AOPEP: variants seen among roughly 807,000 people sequenced by gnomAD.
AOPEP encodes the protein aminopeptidase O.
A neutral mutation model predicts 98.1 loss-of-function variants in AOPEP; 77 were observed. That is an observed-to-expected ratio of 0.78 (90% CI 0.65 to 0.95). AOPEP has a LOEUF of 0.95. Ranked by LOEUF, AOPEP falls within the 40% of genes least tolerant of loss-of-function variation. The pLI is 0.00. For missense variants in AOPEP, 1,024 were observed against 1,024.7 expected, an observed-to-expected ratio of 1.00 and a Z score of 0.01; for synonymous variants, 346 against 365.3, an observed-to-expected ratio of 0.95 and a Z score of 0.60.
chr9:95,058,496 T>C (rs567149138), intron 13 of AOPEP, among the ~76,000 whole-genome samples: 5 of 152,322 alleles, frequency 3.3e-5, no homozygotes, highest in African/African-American at 1.2e-4. Context: ...CGAGAATCAC[T>C]TCTCTGTGAG....
At chr9:95,041,121 C>T (rs573772952) in intron 13 of AOPEP, among the ~76,000 whole-genome samples, 2 of 151,520 alleles carry the variant, frequency 1.3e-5, no homozygotes, top group East Asian at 1.9e-4. Context: ...CAGGCTCTCA[C>T]GTTTTACCAG....
At chr9:94,944,480 C>A (rs1301116270) in intron 7 of AOPEP, among the ~76,000 whole-genome samples, 5 of 152,204 alleles carry the variant, frequency 3.3e-5, no homozygotes, top group Non-Finnish European at 7.3e-5. Context: ...AAAAGCTGGA[C>A]ACAAAAGGCC....
chr9:95,101,798 G>T, the AOPEP span: 1 of 1,614,106 alleles, frequency 6.2e-7, no homozygotes, highest in Non-Finnish European at 8.5e-7. Context: ...TCTGTACAAG[G>T]TCTGGTCAAG....
chr9:95,085,768 T>C (rs1162497433), intron 16 of AOPEP, among the ~76,000 whole-genome samples: 1 of 152,216 alleles, frequency 6.6e-6, no homozygotes, highest in African/African-American at 2.4e-5. Context: ...GTCAAATGTA[T>C]TGAAAGTTGC....
chr9:95,115,602 T>C, the AOPEP span, among the ~76,000 whole-genome samples: 1 of 152,222 alleles, frequency 6.6e-6, no homozygotes, highest in Non-Finnish European at 1.5e-5. Context: ...TAAATACAGC[T>C]GAGCAGCACG....
chr9:94,772,709 A>G (rs1330198773), intron 2 of AOPEP, among the ~76,000 whole-genome samples: 5 of 152,240 alleles, frequency 3.3e-5, no homozygotes, highest in Admixed American at 6.5e-5. Context: ...GGGCAAGGGT[A>G]ATATAACTTG....
chr9:94,800,439 A>G (rs1043047362), intron 4 of AOPEP, among the ~76,000 whole-genome samples: 2 of 152,168 alleles, frequency 1.3e-5, no homozygotes, highest in African/African-American at 2.4e-5. Context: ...AATTGTTTGT[A>G]TTTTGGTGAG....
At chr9:95,139,977 G>A in the AOPEP span, among the ~76,000 whole-genome samples, 1 of 151,456 alleles carries the variant, frequency 6.6e-6, no homozygotes, top group Non-Finnish European at 1.5e-5. Context: ...AAACGCTAAG[G>A]TTGTCCTTTT....
At chr9:94,812,354 G>A (rs1269375143) in intron 5 of AOPEP, among the ~76,000 whole-genome samples, 1 of 152,084 alleles carries the variant, frequency 6.6e-6, no homozygotes, top group Non-Finnish European at 1.5e-5. Flanking sequence ...TAGAATCTAA[G>A]AGGAAGACCA....
Position 94,924,006 on chromosome 9 carries a change from C to T in AOPEP, c.1385C>T (p.Ser462Phe). 1 of 1,475,116 alleles carries T rather than the reference C, an allele frequency of 6.8e-7. No individual in the cohort carries two copies. The highest frequency in any genetic ancestry group is 9.0e-7 in the Non-Finnish European group (1 of 1,108,104). The allele number at this position is 1,475,116 out of a possible 1,614,324, so 91.4% of individuals were successfully genotyped here. A position where few individuals can be genotyped will look rare whatever the true frequency, so the allele number is the denominator to read the frequency against. Residue 462 changes from serine (S) to phenylalanine (F), a missense_variant, in exon 6 of 17, where the codon TCT becomes TTT. Physicochemically the swap from Ser to Phe is radical, Grantham distance 155. Coordinates refer to ENST00000375315, the MANE Select transcript of AOPEP (RefSeq NM_001193329.3). ...CACAGCCCACACATCATGTTCCTCT[C>T]TCAGAGCATCTTGACAGGAGGGAAC... ...GMASPHIMFL[S>F]QSILTGGNHL...
chr9:94,993,249 C>T (rs2061004455), intron 11 of AOPEP, among the ~76,000 whole-genome samples: 1 of 152,236 alleles, frequency 6.6e-6, no homozygotes, highest in Non-Finnish European at 1.5e-5. Flanking sequence ...TTCTAAGATA[C>T]ATTTTGAGAC....
At chr9:95,140,439 T>C in the AOPEP span, among the ~76,000 whole-genome samples, 2 of 152,204 alleles carry the variant, frequency 1.3e-5, no homozygotes, top group African/African-American at 4.8e-5. Context: ...AACTGCTTAC[T>C]AAATAATTTT....
chr9:95,082,098 G>C (rs1416728640), intron 15 of AOPEP, among the ~76,000 whole-genome samples: 1 of 152,068 alleles, frequency 6.6e-6, no homozygotes, highest in Non-Finnish European at 1.5e-5. Flanking sequence ...TGTCTCTGCC[G>C]CGGCTGCTGC....
chr9:95,111,204 C>T, the AOPEP span: 1 of 1,536,252 alleles, frequency 6.5e-7, no homozygotes, highest in African/African-American at 1.4e-5. Context: ...GATCAAATGA[C>T]CTTGGGGAAG....
At chr9:94,906,875 A>G (rs1050115172) in intron 5 of AOPEP, among the ~76,000 whole-genome samples, 3 of 152,122 alleles carry the variant, frequency 2.0e-5, no homozygotes, top group African/African-American at 7.2e-5. Flanking sequence ...TGTTTGCCCA[A>G]CCCAGTCTTG....
At chr9:94,757,604 A>G (rs1210901533) in intron 1 of AOPEP, among the ~76,000 whole-genome samples, 1 of 152,154 alleles carries the variant, frequency 6.6e-6, no homozygotes, top group Non-Finnish European at 1.5e-5. Context: ...TTTAGAAGTG[A>G]ATTTAGGAAT....
intron 5 of AOPEP, among the ~76,000 whole-genome samples, chr9:94,816,706 T>C (rs1293312491): frequency 6.6e-6 from 1 of 151,652 alleles, no homozygotes; most frequent in Non-Finnish European, 1.5e-5. Flanking sequence ...AATTGGGTGG[T>C]AGGGAGGAGC....
intron 5 of AOPEP, among the ~76,000 whole-genome samples, chr9:94,864,880 G>A (rs1385749172): frequency 6.6e-6 from 1 of 152,090 alleles, no homozygotes; most frequent in African/African-American, 2.4e-5. Context: ...AAAACAAAGA[G>A]CCATCAGCAA....
the AOPEP span, chr9:95,100,518 T>C: frequency 3.9e-5 from 9 of 232,144 alleles, no homozygotes; most frequent in Non-Finnish European, 6.0e-5. Flanking sequence ...CTTGACTCAC[T>C]TGACAAACAG....
Sources: gnomAD v4.1 joint callset for allele counts (sites outside exome capture counted in the v4.1 genomes callset) on GRCh38, gnomAD v4.1.1 for gene constraint, MANE v1.5 for transcripts, NCBI Gene and HGNC (gene_info 2026-07-23, HGNC 2026-07-21) for gene names.